Variants in FER observed in about 807,000 individuals in gnomAD.
FER encodes tyrosine-protein kinase Fer.
Under a neutral mutation model 111.0 loss-of-function variants are expected in FER, and 63 were observed. That is an observed-to-expected ratio of 0.57 (90% confidence interval 0.46 to 0.70). The LOEUF (loss-of-function observed/expected upper bound fraction) is 0.70. FER is among the 30% of genes least tolerant of loss of function. FER has a pLI of 0.00. For missense variants in FER, 914 were observed against 954.0 expected (o/e 0.96, Z 0.55); for synonymous variants, 327 against 313.9 (o/e 1.04, Z -0.44).
intron 1 of FER, among the ~76,000 whole-genome samples, chr5:108,759,751 T>C (rs1178556641): frequency 2.0e-5 from 3 of 152,210 alleles, no homozygotes; most frequent in African/African-American, 4.8e-5. Flanking sequence ...GCTCTTTTTG[T>C]ACCAGCATTA....
intron 17 of FER, among the ~76,000 whole-genome samples, chr5:109,102,625 A>T (rs1042151592): frequency 2.0e-5 from 3 of 152,180 alleles, no homozygotes; most frequent in African/African-American, 4.8e-5. Context: ...CCTTACTAGC[A>T]ACAATATAAT....
rs1202597391 is a variant in FER at position 109,195,078 on chromosome 5, AC to A, written c.*7506del. 2 of 152,038 alleles carry A rather than the reference AC, an allele frequency of 1.3e-5. No homozygotes were observed. The highest frequency in any genetic ancestry group is 2.9e-5 in the Non-Finnish European group (2 of 67,998). The allele number at this position is 152,038 out of a possible 1,614,324, so 9.4% of individuals were successfully genotyped here. A position where few individuals can be genotyped will look rare whatever the true frequency, so the allele number is the denominator to read the frequency against. ...AAACCCAAAAGAAAGAAAGAAACACACCCTCTTATGTAGGAATTTCCCTTTT... is the reference window on the plus strand; with the variant it reads ...AAACCCAAAAGAAAGAAAGAAACACACCTCTTATGTAGGAATTTCCCTTTT... On this transcript the variant is annotated 3_prime_UTR_variant, in exon 20 of 20. Coordinates refer to ENST00000281092, the MANE Select transcript of FER (RefSeq NM_005246.4).
chr5:108,847,833 T>A (rs1464284271), intron 5 of FER, among the ~76,000 whole-genome samples: 1 of 152,160 alleles, frequency 6.6e-6, no homozygotes, highest in Non-Finnish European at 1.5e-5. Flanking sequence ...CCATTCCAGC[T>A]TTCTTTTGAT....
intron 16 of FER, among the ~76,000 whole-genome samples, chr5:109,098,839 ATTTTG>A (rs1297223411): frequency 6.6e-6 from 1 of 151,666 alleles, no homozygotes; most frequent in Non-Finnish European, 1.5e-5. Context: ...AGCTTATTTG[ATTTTG>A]TTAATGGCTC....
At chr5:109,088,262 C>T (rs953887733) in intron 16 of FER, among the ~76,000 whole-genome samples, 6 of 152,008 alleles carry the variant, frequency 3.9e-5, no homozygotes, top group Non-Finnish European at 8.8e-5. Flanking sequence ...ACAGTTATAT[C>T]TCCTAGGCTT....
At chr5:108,924,131 C>T (rs949833451) in intron 10 of FER, among the ~76,000 whole-genome samples, 81 of 151,824 alleles carry the variant, frequency 5.3e-4, no homozygotes, top group Non-Finnish European at 6.5e-4. Context: ...CCGAGGCGGG[C>T]GGATCACCTG....
intron 16 of FER, among the ~76,000 whole-genome samples, chr5:109,061,209 T>C (rs1479588519): frequency 6.6e-6 from 1 of 152,214 alleles, no homozygotes; most frequent in Non-Finnish European, 1.5e-5. Flanking sequence ...TTCATTGTTA[T>C]GAAATTTTTT....
intron 8 of FER, among the ~76,000 whole-genome samples, chr5:108,879,488 C>T (rs974261650): frequency 4.2e-4 from 64 of 151,442 alleles, no homozygotes; most frequent in Admixed American, 8.6e-4. Context: ...TATTTGTATA[C>T]GAAACATGTA....
rs1772959266 is a variant in FER, at chr5:109,052,388, C to A, written c.1924+5190C>A. The A allele has an allele frequency of 3.2e-6, 5 of 1,561,360 alleles. No homozygotes were observed. In the Admixed American group the frequency reaches 5.0e-5, roughly 16 times the overall value. On this transcript the variant is annotated intron_variant, in intron 16 of 19. Transcript: ENST00000281092. ...AAAATGAAAAGTACTGACAGCCACA[C>A]CTTCCCTCCAGCAGTTAAGTAGGCT...
chr5:108,891,719 G>T (rs533722225), intron 9 of FER, among the ~76,000 whole-genome samples: 2 of 151,340 alleles, frequency 1.3e-5, no homozygotes, highest in South Asian at 4.2e-4. Flanking sequence ...CAACGTGCAG[G>T]TTAGTTACAT....
chr5:109,025,377 G>A (rs1380988375), intron 13 of FER, among the ~76,000 whole-genome samples: 189 of 151,966 alleles, frequency 1.2e-3, no homozygotes, highest in African/African-American at 3.7e-3. Context: ...ATTCTCTTTG[G>A]AGCAATTGTG....
chr5:109,107,216 G>A (rs371212192), intron 17 of FER, among the ~76,000 whole-genome samples: 40 of 152,214 alleles, frequency 2.6e-4, no homozygotes, highest in African/African-American at 8.9e-4. Context: ...TTTGGATTCA[G>A]AATGTCAAAA....
intron 10 of FER, among the ~76,000 whole-genome samples, chr5:108,918,553 C>T (rs980009992): frequency 6.7e-6 from 1 of 148,392 alleles, no homozygotes; most frequent in East Asian, 2.0e-4. Context: ...GTGGTGCGAT[C>T]TCTGCTCACT....
chr5:109,080,866 C>G (rs112088248), intron 16 of FER, among the ~76,000 whole-genome samples: 2 of 152,126 alleles, frequency 1.3e-5, no homozygotes, highest in African/African-American at 2.4e-5. Flanking sequence ...AGCTTTTCAA[C>G]AGGTCACGTA....
rs1196149600 is a variant in FER, at chr5:108,845,035, T to C, written c.481+9228T>C. Among the ~76,000 whole-genome samples the C allele has an allele frequency of 6.2e-3, 341 of 55,102 alleles. 10 individuals carry two copies. Among genetic ancestry groups the C allele is most frequent in the African/African-American group, 0.021 (323 of 15,706 alleles). 36.1% of individuals were successfully genotyped at this position (55,102 alleles called of 152,430 possible). A position where few individuals can be genotyped will look rare whatever the true frequency, so the allele number is the denominator to read the frequency against. ...ATATATATATATATATATATATATA[T>C]ATATACATATATATATATATATATA... On this transcript the variant is annotated intron_variant, in intron 5 of 19. Coordinates refer to ENST00000281092, the MANE Select transcript of FER (RefSeq NM_005246.4).
chr5:108,894,246 C>T, intron 9 of FER: 1 of 357,268 alleles, frequency 2.8e-6, no homozygotes, highest in Non-Finnish European at 4.6e-6. Context: ...CATTAGTAAA[C>T]AAACAAACAA....
At chr5:108,974,070 AT>A (rs902144805) in intron 13 of FER, among the ~76,000 whole-genome samples, 3 of 152,154 alleles carry the variant, frequency 2.0e-5, no homozygotes, top group African/African-American at 7.2e-5. Context: ...GCTCTTAAGC[AT>A]TTTTCTGATT....
In FER at chr5:109,187,447, G is replaced by C; in HGVS notation, c.2341G>C (p.Ala781Pro). The C allele has an allele frequency of 6.2e-7, 1 of 1,610,068 alleles. No individual in the cohort carries two copies. Among genetic ancestry groups the C allele is most frequent in the Non-Finnish European group, 8.5e-7 (1 of 1,178,372 alleles). ...EQVERGYRMS[A>P]PQHCPEDISK... Reference sequence around the variant, plus strand: ...TGGGTCTTCAGGATACCGGATGTCAGCTCCCCAGCACTGTCCAGAGGATAT... The same window carrying C: ...TGGGTCTTCAGGATACCGGATGTCACCTCCCCAGCACTGTCCAGAGGATAT... The change falls in exon 20 of 20, where the codon GCT (alanine) becomes CCT (proline). Residue 781 changes from alanine (A) to proline (P), a missense_variant. Coordinates refer to ENST00000281092, the MANE Select transcript of FER (RefSeq NM_005246.4).
intron 10 of FER, among the ~76,000 whole-genome samples, chr5:108,914,755 G>A (rs1442635615): frequency 6.6e-6 from 1 of 152,192 alleles, no homozygotes; most frequent in African/African-American, 2.4e-5. Context: ...GGGAAGGTGA[G>A]AAGTTGCTGA....
Sources: allele counts gnomAD v4.1 joint callset (sites outside exome capture counted in the v4.1 genomes callset), GRCh38; gene constraint gnomAD v4.1.1; transcripts MANE v1.5; gene names NCBI Gene and HGNC (gene_info 2026-07-23, HGNC 2026-07-21).